Variants in SLIT3 observed in about 807,000 individuals in gnomAD.
The protein encoded by SLIT3 is slit guidance ligand 3.
SLIT3 carries 68 observed loss-of-function variants against 184.0 expected under a neutral mutation model. That is an observed-to-expected ratio of 0.37 (90% confidence interval 0.30 to 0.45). The LOEUF is 0.45. Ranked by LOEUF, SLIT3 falls within the 20% of genes least tolerant of loss-of-function variation. The probability of loss-of-function intolerance (pLI) is 1.00; values close to 1 mark genes in which losing one functional copy is unlikely to be tolerated. For missense variants in SLIT3, 1,707 were observed against 2,026.0 expected, an observed-to-expected ratio of 0.84 and a Z score of 3.02; for synonymous variants, 831 against 828.6, an observed-to-expected ratio of 1.00 and a Z score of -0.05.
intron 5 of SLIT3, chr5:168,844,918 T>TA: frequency 4.6e-6 from 2 of 436,744 alleles, no homozygotes; most frequent in Non-Finnish European, 8.3e-6. Context: ...TTTTTTTTTT[T>TA]AGGCAGAAGG....
chr5:169,008,194 C>A (rs147754003), intron 4 of SLIT3, among the ~76,000 whole-genome samples: 1 of 152,316 alleles, frequency 6.6e-6, no homozygotes, highest in East Asian at 1.9e-4. Context: ...GAAAAGAAAT[C>A]ATCTCTGGGA....
At chr5:169,190,430 G>A (rs1763515933) in intron 4 of SLIT3, among the ~76,000 whole-genome samples, 1 of 152,208 alleles carries the variant, frequency 6.6e-6, no homozygotes, top group African/African-American at 2.4e-5. Flanking sequence ...TCTCAGTTAT[G>A]TGAATCAATA....
intron 10 of SLIT3, among the ~76,000 whole-genome samples, chr5:168,794,446 C>T (rs1325500449): frequency 1.3e-5 from 2 of 152,124 alleles, no homozygotes; most frequent in South Asian, 2.1e-4. Context: ...TGCTCAAGGT[C>T]GTCATGGGAT....
At chr5:169,115,184 T>A (rs1255311389) in intron 4 of SLIT3, among the ~76,000 whole-genome samples, 4 of 152,136 alleles carry the variant, frequency 2.6e-5, no homozygotes, top group African/African-American at 7.2e-5. Context: ...AACTTTCTCA[T>A]CTCTGGTCTA....
chr5:168,874,127 G>T (rs1581166456), intron 5 of SLIT3, among the ~76,000 whole-genome samples: 1 of 151,812 alleles, frequency 6.6e-6, no homozygotes, highest in Non-Finnish European at 1.5e-5. Context: ...CTTGCTTGCT[G>T]TACATTTAGT....
intron 9 of SLIT3, among the ~76,000 whole-genome samples, chr5:168,803,284 A>G (rs564471984): frequency 6.6e-6 from 1 of 152,358 alleles, no homozygotes; most frequent in East Asian, 1.9e-4. Flanking sequence ...AAGTCCAAAA[A>G]CTGAAAGGAT....
intron 20 of SLIT3, among the ~76,000 whole-genome samples, chr5:168,745,608 C>T (rs1232408344): frequency 3.9e-5 from 6 of 152,176 alleles, no homozygotes; most frequent in African/African-American, 1.4e-4. Context: ...GATGGGGTTT[C>T]ACCATGTTGG....
At chr5:169,286,402 G>A (rs985225541) in intron 1 of SLIT3, among the ~76,000 whole-genome samples, 15 of 152,202 alleles carry the variant, frequency 9.9e-5, no homozygotes, top group Middle Eastern at 3.4e-3. Flanking sequence ...GCCACTTCCC[G>A]AAGCAGCTGT....
intron 4 of SLIT3, among the ~76,000 whole-genome samples, chr5:168,957,869 C>T (rs974843318): frequency 1.3e-5 from 2 of 152,306 alleles, no homozygotes. Flanking sequence ...CACTCTGAGT[C>T]CCGAGTCGTT....
rs1009008197 is a variant in SLIT3, at chr5:168,763,994, G to A, written c.1460-1305C>T. On this transcript the variant is annotated intron_variant, in intron 14 of 35. Transcript: ENST00000519560. ...CATTTAGGAGCATTAGCTTTTCATG[G>A]GTTTTAGCAGAAGGGAGCACAGGCT... Among the ~76,000 whole-genome samples the A allele has an allele frequency of 3.9e-5, 6 of 152,212 alleles. No homozygotes were observed. The East Asian group carries it at 1.2e-3, about 29-fold the overall frequency.
chr5:169,184,838 A>G (rs763541164), intron 4 of SLIT3, among the ~76,000 whole-genome samples: 1 of 152,216 alleles, frequency 6.6e-6, no homozygotes, highest in Non-Finnish European at 1.5e-5. Flanking sequence ...GACTTACACA[A>G]TCAGAATCCA....
At chr5:169,263,455 C>T (rs1766268876) in intron 1 of SLIT3, 1 of 368,470 alleles carries the variant, frequency 2.7e-6, no homozygotes, top group Non-Finnish European at 5.3e-6. Flanking sequence ...TGCTGGCAAG[C>T]CCAGGAGCCA....
intron 4 of SLIT3, among the ~76,000 whole-genome samples, chr5:169,110,357 T>C (rs975895983): frequency 6.6e-6 from 1 of 152,112 alleles, no homozygotes; most frequent in Non-Finnish European, 1.5e-5. Context: ...GTAGGTGCAA[T>C]TTATAGTCTC....
chr5:169,094,368 C>A (rs1759702437), intron 4 of SLIT3, among the ~76,000 whole-genome samples: 1 of 152,212 alleles, frequency 6.6e-6, no homozygotes. Context: ...TTGGCTCACG[C>A]CTGTAATCCC....
chr5:169,174,940 T>C (rs1762928919), intron 4 of SLIT3, among the ~76,000 whole-genome samples: 2 of 98,904 alleles, frequency 2.0e-5, no homozygotes, highest in Non-Finnish European at 4.1e-5. Context: ...AAAATACCCT[T>C]TGCTCTTTTC....
chr5:168,776,612 G>A (rs1034684869), intron 12 of SLIT3, among the ~76,000 whole-genome samples: 5 of 152,136 alleles, frequency 3.3e-5, no homozygotes, highest in African/African-American at 4.8e-5. Context: ...TCTTCTTTAC[G>A]AATGTCTTGT....
chr5:168,843,545 C>G (rs1758344354), intron 6 of SLIT3, among the ~76,000 whole-genome samples: 1 of 152,254 alleles, frequency 6.6e-6, no homozygotes, highest in African/African-American at 2.4e-5. Flanking sequence ...GGAAGTCACT[C>G]CCAAGACAGA....
At chr5:168,900,867 A>T (rs1314652799) in intron 4 of SLIT3, among the ~76,000 whole-genome samples, 2 of 152,222 alleles carry the variant, frequency 1.3e-5, no homozygotes, top group African/African-American at 4.8e-5. Context: ...GACATGGACA[A>T]ATTTCACAGG....
At chr5:168,951,424 C>G (rs1352774812) in intron 4 of SLIT3, among the ~76,000 whole-genome samples, 1 of 152,076 alleles carries the variant, frequency 6.6e-6, no homozygotes, top group Non-Finnish European at 1.5e-5. Flanking sequence ...AGGACAGCCA[C>G]TGGGTGGGGG....
Sources: gnomAD v4.1 joint callset for allele counts (sites outside exome capture counted in the v4.1 genomes callset) on GRCh38, gnomAD v4.1.1 for gene constraint, MANE v1.5 for transcripts, NCBI Gene and HGNC (gene_info 2026-07-23, HGNC 2026-07-21) for gene names.